RBFOX1: variants seen among roughly 807,000 people sequenced by gnomAD.
RBFOX1 encodes the protein RNA binding fox-1 homolog 1.
Under a neutral mutation model 57.7 loss-of-function variants are expected in RBFOX1, and 8 were observed. The ratio of observed to expected loss-of-function variants is 0.14; its 90% CI spans 0.08 to 0.25. The LOEUF (loss-of-function observed/expected upper bound fraction) is 0.25, where lower values mean the gene tolerates loss of function less well. Ranked by LOEUF, RBFOX1 falls within the 10% of genes least tolerant of loss-of-function variation. The pLI is 1.00. For missense variants in RBFOX1, 611 were observed against 548.5 expected, an observed-to-expected ratio of 1.11 and a Z score of -1.14; for synonymous variants, 326 against 222.4, an observed-to-expected ratio of 1.47 and a Z score of -4.15.
At chr16:7,128,063 C>T (rs1180477716) in intron 4 of RBFOX1, among the ~76,000 whole-genome samples, 1 of 152,184 alleles carries the variant, frequency 6.6e-6, no homozygotes, top group Non-Finnish European at 1.5e-5. Context: ...CTGGCAAATT[C>T]TTCCTTAATG....
chr16:7,151,678 A>T (rs369678855), intron 4 of RBFOX1, among the ~76,000 whole-genome samples: 4 of 152,186 alleles, frequency 2.6e-5, no homozygotes, highest in Admixed American at 6.6e-5. Flanking sequence ...ATTGTAATAT[A>T]TAATGAAATA....
rs2082747920 is a variant in RBFOX1 at position 6,960,556 on chromosome 16, C to T, written c.-15-91501C>T. Among the ~76,000 whole-genome samples the T allele has an allele frequency of 2.0e-5, 3 of 152,234 alleles. No homozygotes were observed. In the South Asian group the frequency reaches 6.2e-4, roughly 32 times the overall value. ...TTCAGGAGTCACCTCTTTCTTGTAT[C>T]TGTTCCCCTGTGCCCTTCTTACCTC... On this transcript the variant is annotated intron_variant, in intron 3 of 15. Coordinates refer to ENST00000550418, the MANE Select transcript of RBFOX1 (RefSeq NM_018723.4).
intron 4 of RBFOX1, among the ~76,000 whole-genome samples, chr16:7,199,706 C>T (rs895209700): frequency 5.3e-5 from 8 of 152,138 alleles, no homozygotes; most frequent in African/African-American, 1.7e-4. Flanking sequence ...TCTGCCTTTG[C>T]CAACGTGGTG....
At chr16:7,036,851 A>AGCC (rs2044622246) in intron 3 of RBFOX1, among the ~76,000 whole-genome samples, 1 of 152,170 alleles carries the variant, frequency 6.6e-6, no homozygotes, top group East Asian at 1.9e-4. Context: ...AGGGCAGAGG[A>AGCC]GCCCCTCATC....
chr16:5,896,082 T>A (rs1597683257), intron 4 of RBFOX1, among the ~76,000 whole-genome samples: 1 of 151,994 alleles, frequency 6.6e-6, no homozygotes, highest in East Asian at 1.9e-4. Context: ...ATTGGGGAAG[T>A]GCCGTCAGGA....
chr16:7,660,290 G>GTGAT lies in RBFOX1; in HGVS notation c.891-4635_891-4632dup, dbSNP rs538165296. Among the ~76,000 whole-genome samples, 63 of 152,320 alleles carry GTGAT rather than the reference G, an allele frequency of 4.1e-4. 1 individual carries two copies. The South Asian group carries it at 0.012, about 30-fold the overall frequency. ...TTGCAAAAGCACATTGAGTCCCGATGTGATTGACAAACAATACAAGTACCT... is the reference window on the plus strand; with the variant it reads ...TTGCAAAAGCACATTGAGTCCCGATGTGATTGATTGACAAACAATACAAGTACCT... On this transcript the variant is annotated intron_variant, in intron 12 of 15. Transcript: ENST00000550418.
intron 3 of RBFOX1, among the ~76,000 whole-genome samples, chr16:6,868,358 G>A (rs998396053): frequency 3.3e-5 from 5 of 152,164 alleles, no homozygotes; most frequent in Non-Finnish European, 7.3e-5. Context: ...TGTCTATAAA[G>A]GGATTATGGA....
intron 3 of RBFOX1, among the ~76,000 whole-genome samples, chr16:6,877,874 A>G (rs1023661123): frequency 1.3e-5 from 2 of 152,154 alleles, no homozygotes; most frequent in Non-Finnish European, 2.9e-5. Context: ...GAGAATAGGG[A>G]AAGGATTGCT....
chr16:7,408,207 G>T (rs563948994), intron 4 of RBFOX1, among the ~76,000 whole-genome samples: 4 of 152,252 alleles, frequency 2.6e-5, no homozygotes, highest in Admixed American at 6.5e-5. Flanking sequence ...AATAATAAAA[G>T]TCTCAAGTTA....
chr16:5,742,267 C>G (rs1162434448), intron 3 of RBFOX1, among the ~76,000 whole-genome samples: 1 of 147,394 alleles, frequency 6.8e-6, no homozygotes, highest in Non-Finnish European at 1.5e-5. Context: ...TTCCTTCTTT[C>G]CTTTCTTCCT....
chr16:5,356,368 T>C (rs1291188209), intron 1 of RBFOX1, among the ~76,000 whole-genome samples: 1 of 152,212 alleles, frequency 6.6e-6, no homozygotes, highest in Admixed American at 6.5e-5. Context: ...TGGTAACTAG[T>C]AATGACAGCC....
chr16:6,656,080 T>G (rs2098649030), intron 3 of RBFOX1, among the ~76,000 whole-genome samples: 1 of 152,170 alleles, frequency 6.6e-6, no homozygotes, highest in South Asian at 2.1e-4. Context: ...ATTCACCATG[T>G]GTTTGCATGC....
intron 1 of RBFOX1, among the ~76,000 whole-genome samples, chr16:6,187,096 C>G (rs1280721770): frequency 6.6e-6 from 1 of 152,136 alleles, no homozygotes; most frequent in Non-Finnish European, 1.5e-5. Context: ...GGATGCAACA[C>G]TATATCAGAG....
intron 4 of RBFOX1, among the ~76,000 whole-genome samples, chr16:5,907,462 G>A (rs1161405971): frequency 6.6e-6 from 1 of 152,090 alleles, no homozygotes; most frequent in East Asian, 1.9e-4. Context: ...CATCATCTGT[G>A]TGACATTGTG....
chr16:7,508,542 G>T (rs1018529362), intron 4 of RBFOX1, among the ~76,000 whole-genome samples: 2 of 152,106 alleles, frequency 1.3e-5, no homozygotes, highest in Non-Finnish European at 2.9e-5. Context: ...TCCTTTTAAA[G>T]AAACTGAAAG....
At chr16:6,851,585 C>T (rs2094066650) in intron 3 of RBFOX1, among the ~76,000 whole-genome samples, 1 of 152,110 alleles carries the variant, frequency 6.6e-6, no homozygotes, top group Non-Finnish European at 1.5e-5. Context: ...TAAGAGCTTT[C>T]CCCTAAGAGA....
At chr16:5,666,007 C>A (rs942177308) in intron 3 of RBFOX1, among the ~76,000 whole-genome samples, 2 of 152,228 alleles carry the variant, frequency 1.3e-5, no homozygotes, top group Non-Finnish European at 2.9e-5. Context: ...TCAAAACTGC[C>A]ACCCACTCAA....
chr16:6,374,853 A>C (rs749798217), intron 2 of RBFOX1, among the ~76,000 whole-genome samples: 3 of 152,224 alleles, frequency 2.0e-5, no homozygotes, highest in Non-Finnish European at 4.4e-5. Flanking sequence ...GGAACAAATA[A>C]CTTCTGAGTG....
At position 6,799,328 on chromosome 16, in the gene RBFOX1, A is replaced by G. The variant is rs574022393; in HGVS notation, c.-16+144678A>G. ...TTCTAGCTACTTATCATTATATGCT[A>G]TTAGGTTGGTGCAAAAGTAATGGCA... On this transcript the variant is annotated intron_variant, in intron 3 of 15. Coordinates refer to ENST00000550418, the MANE Select transcript of RBFOX1 (RefSeq NM_018723.4). 7.9e-5 allele frequency among the ~76,000 whole-genome samples: 12 copies of G among 152,296 alleles called. No homozygotes were observed. The South Asian group carries it at 1.2e-3, about 16-fold the overall frequency.
Sources: allele counts gnomAD v4.1 joint callset (sites outside exome capture counted in the v4.1 genomes callset), GRCh38; gene constraint gnomAD v4.1.1; transcripts MANE v1.5; gene names NCBI Gene and HGNC (gene_info 2026-07-23, HGNC 2026-07-21).